PTGER4: variants seen among roughly 807,000 people sequenced by gnomAD.
The protein encoded by PTGER4 is prostaglandin E2 receptor EP4 subtype.
Under a neutral mutation model 33.2 loss-of-function variants are expected in PTGER4, and 11 were observed. The observed-to-expected ratio is 0.33, with a 90% CI of 0.21 to 0.55. The LOEUF (loss-of-function observed/expected upper bound fraction) is 0.55. PTGER4 is among the 20% of genes least tolerant of loss of function. The pLI, the probability that PTGER4 is intolerant of heterozygous loss-of-function variation, is 0.92. For synonymous variants in PTGER4, 275 were observed against 281.5 expected (o/e 0.98, Z 0.23); for missense variants, 481 against 650.2 (o/e 0.74, Z 2.83).
the PTGER4 span, among the ~76,000 whole-genome samples, chr5:40,710,383 T>C: frequency 7.2e-5 from 11 of 152,180 alleles, no homozygotes; most frequent in Non-Finnish European, 1.3e-4. Flanking sequence ...TGAGATACCA[T>C]CTAACACCAG....
At chr5:40,712,532 T>G in the PTGER4 span, among the ~76,000 whole-genome samples, 1 of 152,128 alleles carries the variant, frequency 6.6e-6, no homozygotes, top group African/African-American at 2.4e-5. Flanking sequence ...ATATTGAACT[T>G]AGAATTAGAC....
At chr5:40,704,048 C>G in the PTGER4 span, among the ~76,000 whole-genome samples, 1 of 150,444 alleles carries the variant, frequency 6.6e-6, no homozygotes, top group South Asian at 2.1e-4. Flanking sequence ...AACTTCAGGC[C>G]AATCAATATC....
intron 2 of PTGER4, among the ~76,000 whole-genome samples, chr5:40,689,666 C>T (rs1579648655): frequency 6.6e-6 from 1 of 152,234 alleles, no homozygotes; most frequent in South Asian, 2.1e-4. Flanking sequence ...CACCATGAGT[C>T]ATTCATTGTT....
downstream of PTGER4, among the ~76,000 whole-genome samples, chr5:40,695,706 G>A (rs936792581): frequency 1.3e-5 from 2 of 152,096 alleles, no homozygotes; most frequent in African/African-American, 2.4e-5. Flanking sequence ...GGGAGACTCC[G>A]TCGGAAAAAA....
the PTGER4 span, among the ~76,000 whole-genome samples, chr5:40,737,914 T>A: frequency 6.6e-6 from 1 of 152,226 alleles, no homozygotes; most frequent in Non-Finnish European, 1.5e-5. Context: ...CTCAAGAGAA[T>A]ACTATTGTAT....
At chr5:40,702,325 G>A in the PTGER4 span, among the ~76,000 whole-genome samples, 3 of 152,188 alleles carry the variant, frequency 2.0e-5, no homozygotes, top group African/African-American at 7.2e-5. Context: ...AAGGGATGGA[G>A]AAAAAGCTAC....
the PTGER4 span, among the ~76,000 whole-genome samples, chr5:40,724,946 A>C: frequency 1.3e-4 from 19 of 150,008 alleles, no homozygotes; most frequent in East Asian, 3.8e-3. Context: ...TCCACCTGCC[A>C]GGTTCAAGAT....
At chr5:40,735,724 T>G in the PTGER4 span, among the ~76,000 whole-genome samples, 1 of 152,112 alleles carries the variant, frequency 6.6e-6, no homozygotes, top group Admixed American at 6.5e-5. Flanking sequence ...AGGACAAGCA[T>G]GATAGCATGG....
chr5:40,708,502 T>A, the PTGER4 span, among the ~76,000 whole-genome samples: 3 of 152,178 alleles, frequency 2.0e-5, no homozygotes, highest in African/African-American at 7.2e-5. Flanking sequence ...AATCTCTGAA[T>A]AGACCAATAA....
downstream of PTGER4, among the ~76,000 whole-genome samples, chr5:40,697,280 AAGAAAGAAAGAAAG>A: frequency 7.6e-6 from 1 of 131,536 alleles, no homozygotes; most frequent in Non-Finnish European, 1.7e-5. Flanking sequence ...GAAAGAAAGA[AAGAAAGAAAGAAAG>A]AAAAAGAAAG....
the PTGER4 span, among the ~76,000 whole-genome samples, chr5:40,718,887 C>A: frequency 6.6e-6 from 1 of 151,854 alleles, no homozygotes; most frequent in Non-Finnish European, 1.5e-5. Flanking sequence ...AGCAACAGAG[C>A]GAGACTGTCT....
At chr5:40,722,298 C>T in the PTGER4 span, among the ~76,000 whole-genome samples, 1 of 152,206 alleles carries the variant, frequency 6.6e-6, no homozygotes, top group Non-Finnish European at 1.5e-5. Flanking sequence ...TCCCAAAGTG[C>T]CGAGATTGCA....
At chr5:40,732,230 T>A in the PTGER4 span, among the ~76,000 whole-genome samples, 1 of 152,074 alleles carries the variant, frequency 6.6e-6, no homozygotes, top group Non-Finnish European at 1.5e-5. Context: ...TTGCTCAGGC[T>A]GGTCTCAAAC....
chr5:40,730,384 T>C, the PTGER4 span: 2 of 1,548,828 alleles, frequency 1.3e-6, no homozygotes, highest in South Asian at 1.2e-5. Flanking sequence ...ATTTTCAATA[T>C]GCTTTTTTGG....
the PTGER4 span, among the ~76,000 whole-genome samples, chr5:40,705,760 C>T: frequency 6.6e-6 from 1 of 152,100 alleles, no homozygotes; most frequent in Non-Finnish European, 1.5e-5. Context: ...AAATGCAAAT[C>T]AAAACCATGA....
At chr5:40,742,349 T>C in the PTGER4 span, among the ~76,000 whole-genome samples, 1 of 152,160 alleles carries the variant, frequency 6.6e-6, no homozygotes, top group Non-Finnish European at 1.5e-5. Flanking sequence ...CTAATATTTA[T>C]TGAGTATTTA....
Position 40,692,334 on chromosome 5 carries a change from A to T in PTGER4, c.1423A>T (p.Thr475Ser), listed in dbSNP as rs750991000. The change falls in exon 3 of 3, where the codon ACA becomes TCA. Residue 475 changes from threonine to serine, a missense_variant. Physicochemically the swap from Thr to Ser is moderately conservative, Grantham distance 58. Around this residue, in one of 7 missense-constraint regions of PTGER4, gnomAD observed 172 missense variants for 199.2 expected, o/e 0.86. Transcript: ENST00000302472. The part of the protein sequence containing the change: ...PAPKGSSLQV[T>S]FPSETLNLSE... Reference sequence around the variant, plus strand: ...CCCTAAGGGGAGCTCCCTGCAAGTCACATTTCCCAGTGAAACACTGAACTT... The same window carrying T: ...CCCTAAGGGGAGCTCCCTGCAAGTCTCATTTCCCAGTGAAACACTGAACTT... 1 of 1,608,028 alleles carries T rather than the reference A, an allele frequency of 6.2e-7. No homozygotes were observed. Among genetic ancestry groups the T allele is most frequent in the Non-Finnish European group, 8.5e-7 (1 of 1,177,054 alleles).
the PTGER4 span, among the ~76,000 whole-genome samples, chr5:40,743,316 T>C: frequency 6.6e-6 from 1 of 152,202 alleles, no homozygotes; most frequent in African/African-American, 2.4e-5. Flanking sequence ...AGTTGTATAA[T>C]AACTATGTTC....
chr5:40,724,300 A>G, the PTGER4 span, among the ~76,000 whole-genome samples: 1 of 152,242 alleles, frequency 6.6e-6, no homozygotes, highest in Non-Finnish European at 1.5e-5. Context: ...AATTCCACTT[A>G]TACGATATCT....
Sources: allele counts gnomAD v4.1 joint callset (sites outside exome capture counted in the v4.1 genomes callset), GRCh38; gene constraint gnomAD v4.1.1; regional missense constraint gnomAD v4.1.1; transcripts MANE v1.5; gene names NCBI Gene and HGNC (gene_info 2026-07-23, HGNC 2026-07-21).